Variants in KIAA0319L observed in about 807,000 individuals in gnomAD.
The protein encoded by KIAA0319L is dyslexia-associated protein KIAA0319-like protein.
Under a neutral mutation model 120.1 loss-of-function variants are expected in KIAA0319L, and 55 were observed. The observed-to-expected ratio is 0.46, with a 90% CI of 0.37 to 0.57. The LOEUF (loss-of-function observed/expected upper bound fraction) is 0.57. Among genes scored for constraint, KIAA0319L ranks in the 20% least tolerant of loss-of-function variants. The pLI is 0.00. For missense variants in KIAA0319L, 1,049 were observed against 1,255.3 expected (o/e 0.84, Z 2.48); for synonymous variants, 398 against 471.9 (o/e 0.84, Z 2.03).
rs542857398 is a variant in KIAA0319L at position 35,518,024 on chromosome 1, T to C, written c.143-10889A>G. Among the ~76,000 whole-genome samples the C allele has an allele frequency of 3.3e-5, 5 of 152,238 alleles. No individual in the cohort carries two copies. In the East Asian group the frequency reaches 9.7e-4, roughly 29 times the overall value. ...AAATCAAAACCACAATGAGATACTATCTCATACCAGTCAGAATGGCTATTA... is the reference window on the plus strand; with the variant it reads ...AAATCAAAACCACAATGAGATACTACCTCATACCAGTCAGAATGGCTATTA... On this transcript the variant is annotated intron_variant, in intron 2 of 20. Coordinates refer to ENST00000325722, the MANE Select transcript of KIAA0319L (RefSeq NM_024874.5).
chr1:35,553,425 T>A (rs1352483672), intron 2 of KIAA0319L, among the ~76,000 whole-genome samples: 1 of 150,892 alleles, frequency 6.6e-6, no homozygotes, highest in Non-Finnish European at 1.5e-5. Flanking sequence ...TATGCAATCA[T>A]CAACCATCAC....
At chr1:35,481,924 A>G (rs1014768419) in intron 3 of KIAA0319L, among the ~76,000 whole-genome samples, 19 of 136,718 alleles carry the variant, frequency 1.4e-4, no homozygotes, top group African/African-American at 5.0e-4. Context: ...TCCCGGGTTC[A>G]TGCCATTCTC....
rs377013306 is a variant in KIAA0319L, at chr1:35,433,503, A to ACCATGTTTAATCAT, written c.*1377_*1390dup. ...CAGCAGACAGAGTGCACAGTTAAAT[A>ACCATGTTTAATCAT]CCATGTTTAATCATCCCACAATGGA... On this transcript the variant is annotated 3_prime_UTR_variant, in exon 21 of 21. Coordinates refer to ENST00000325722, the MANE Select transcript of KIAA0319L (RefSeq NM_024874.5). The ACCATGTTTAATCAT allele has an allele frequency of 2.6e-5, 4 of 152,384 alleles. No homozygotes were observed. In the East Asian group the frequency reaches 7.7e-4, roughly 29 times the overall value. The allele number at this position is 152,384 out of a possible 1,614,324, so 9.4% of individuals were successfully genotyped here. A position where few individuals can be genotyped will look rare whatever the true frequency, so the allele number is the denominator to read the frequency against.
At chr1:35,499,609 A>G (rs1570839230) in intron 3 of KIAA0319L, among the ~76,000 whole-genome samples, 1 of 152,108 alleles carries the variant, frequency 6.6e-6, no homozygotes, top group Non-Finnish European at 1.5e-5. Flanking sequence ...GAGCCAATAA[A>G]CGCAATTTCA....
rs1645201883 is a variant in KIAA0319L at position 35,506,324 on chromosome 1, G to GA, written c.666+287_666+288insT. On this transcript the variant is annotated intron_variant, in intron 3 of 20. Transcript: ENST00000325722. The surrounding 1 kb of genome is among the most constrained non-coding windows in gnomAD (Gnocchi z 4.0). Reference sequence around the variant, plus strand: ...GCAGAATGGTTGGTGAATACTAACAGCCATACAACTGTACTTACCTGTAGC... The same window carrying GA: ...GCAGAATGGTTGGTGAATACTAACAGACCATACAACTGTACTTACCTGTAGC... 6.6e-6 allele frequency among the ~76,000 whole-genome samples: 1 copy of GA among 152,202 alleles called. No homozygotes were observed. The highest frequency in any genetic ancestry group is 1.5e-5 in the Non-Finnish European group (1 of 68,030).
intron 8 of KIAA0319L, among the ~76,000 whole-genome samples, 194 bp downstream of exon 8, chr1:35,462,427 A>T (rs1642963434): frequency 6.6e-6 from 1 of 152,144 alleles, no homozygotes; most frequent in African/African-American, 2.4e-5. Flanking sequence ...CTACCTGGGG[A>T]TTTTAAAGAA....
Position 35,456,095 on chromosome 1 carries a change from T to C in KIAA0319L, c.1574A>G (p.Asn525Ser). 1 of 1,614,108 alleles carries C rather than the reference T, an allele frequency of 6.2e-7. No homozygotes were observed. The highest frequency in any genetic ancestry group is 8.5e-7 in the Non-Finnish European group (1 of 1,180,014). The part of the protein sequence containing the change: ...LPQNSITLFG[N>S]QSTDDHGITS... Reference sequence around the variant, plus strand: ...GATGCCATGATCATCAGTGCTCTGGTTCCCAAAGAGGGTGATGGAGTTTTG... The same window carrying C: ...GATGCCATGATCATCAGTGCTCTGGCTCCCAAAGAGGGTGATGGAGTTTTG... Residue 525 changes from asparagine to serine, a missense_variant, in exon 10 of 21, where the codon AAC becomes AGC. Transcript: ENST00000325722.
intron 3 of KIAA0319L, among the ~76,000 whole-genome samples, chr1:35,502,421 G>GTCATCATCATCA (rs138233952): frequency 3.3e-5 from 5 of 149,940 alleles, no homozygotes; most frequent in Admixed American, 6.7e-5. Context: ...TATTGCTGCT[G>GTCATCATCATCA]TCATCATCAT....
intron 3 of KIAA0319L, among the ~76,000 whole-genome samples, chr1:35,502,984 AT>A (rs1326652443): frequency 1.3e-5 from 2 of 152,210 alleles, no homozygotes; most frequent in East Asian, 3.8e-4. Flanking sequence ...TACCACTGTT[AT>A]AAATGCATGA....
intron 2 of KIAA0319L, among the ~76,000 whole-genome samples, chr1:35,540,335 T>C (rs763681863): frequency 2.0e-5 from 3 of 152,252 alleles, no homozygotes; most frequent in Non-Finnish European, 2.9e-5. Context: ...ATTTATATAA[T>C]TGGTGCTTGC....
At chr1:35,497,559 T>C (rs962854520) in intron 3 of KIAA0319L, among the ~76,000 whole-genome samples, 2 of 152,168 alleles carry the variant, frequency 1.3e-5, no homozygotes, top group South Asian at 2.1e-4. Context: ...GACATAGAGA[T>C]AGATATAAAT....
At chr1:35,484,807 T>TA (rs1491128815) in intron 3 of KIAA0319L, among the ~76,000 whole-genome samples, 46 of 28,860 alleles carry the variant, frequency 1.6e-3, no homozygotes, top group South Asian at 4.7e-3. Flanking sequence ...TATATATATA[T>TA]TTTTTTTTTT....
At chr1:35,489,515 T>G (rs551770147) in intron 3 of KIAA0319L, among the ~76,000 whole-genome samples, 1 of 152,136 alleles carries the variant, frequency 6.6e-6, no homozygotes, top group South Asian at 2.1e-4. Flanking sequence ...GAACTGGAAG[T>G]CTGGGAAAGA....
At chr1:35,496,374 G>GTA (rs1464417029) in intron 3 of KIAA0319L, among the ~76,000 whole-genome samples, 1 of 152,082 alleles carries the variant, frequency 6.6e-6, no homozygotes. Flanking sequence ...GAGCTGAGAT[G>GTA]GTGCCAGTGC....
chr1:35,470,850 G>A lies in KIAA0319L; in HGVS notation c.1113+13C>T, dbSNP rs1196892667. On this transcript the variant is annotated intron_variant, in intron 6 of 20. Coordinates refer to ENST00000325722, the MANE Select transcript of KIAA0319L (RefSeq NM_024874.5). The stretch of plus-strand genomic sequence containing the variant: ...TCTACCTTTGCCCTGCAAGTGAAAG[G>A]AGGCAAATTCACCTTCGATAGTTTG... The A allele has an allele frequency of 1.1e-5, 17 of 1,551,552 alleles. No homozygotes were observed. Among genetic ancestry groups the A allele is most frequent in the Non-Finnish European group, 1.4e-5 (16 of 1,123,032 alleles).
At chr1:35,446,142 C>T (rs987460255) in intron 16 of KIAA0319L, among the ~76,000 whole-genome samples, 1 of 151,886 alleles carries the variant, frequency 6.6e-6, no homozygotes, top group African/African-American at 2.4e-5. Context: ...GAACTATAAT[C>T]TCTGGGGCTA....
At chr1:35,505,748 G>T (rs1645182939) in intron 3 of KIAA0319L, among the ~76,000 whole-genome samples, 1 of 152,168 alleles carries the variant, frequency 6.6e-6, no homozygotes, top group African/African-American at 2.4e-5. Flanking sequence ...TATGCTGCAT[G>T]ATCACTGGCA....
Position 35,479,159 on chromosome 1 carries a change from C to T in KIAA0319L, c.720G>A (p.Glu240=). The T allele has an allele frequency of 6.2e-7, 1 of 1,613,878 alleles. No individual in the cohort carries two copies. The highest frequency in any genetic ancestry group is 8.5e-7 in the Non-Finnish European group (1 of 1,179,758). The change falls in exon 4 of 21, where the codon GAG becomes GAA. Residue 240 remains glutamate (E), a synonymous_variant. Coordinates refer to ENST00000325722, the MANE Select transcript of KIAA0319L (RefSeq NM_024874.5). The part of the protein sequence containing the change: ...SSPLTTDLTA[E]LSGGPKNVSV... Reference sequence around the variant, plus strand: ...ATACATTCTTTGGCCCACCAGACAGCTCTGCAGTCAGGTCTGTGGTTAGGG... The same window carrying T: ...ATACATTCTTTGGCCCACCAGACAGTTCTGCAGTCAGGTCTGTGGTTAGGG...
chr1:35,482,110 C>G (rs987416529), intron 3 of KIAA0319L, among the ~76,000 whole-genome samples: 9 of 152,216 alleles, frequency 5.9e-5, no homozygotes, highest in African/African-American at 2.2e-4. Context: ...AGGCGTGAGC[C>G]ACCACGCCCG....
Sources: allele counts gnomAD v4.1 joint callset (sites outside exome capture counted in the v4.1 genomes callset), GRCh38; gene constraint gnomAD v4.1.1; non-coding constraint Gnocchi (gnomAD v3.1); transcripts MANE v1.5; gene names NCBI Gene and HGNC (gene_info 2026-07-23, HGNC 2026-07-21).